Variants in ASNS observed in about 807,000 individuals in gnomAD.
ASNS encodes the protein asparagine synthetase [glutamine-hydrolyzing].
A neutral mutation model predicts 62.6 loss-of-function variants in ASNS; 37 were observed. The observed-to-expected ratio is 0.59, with a 90% CI of 0.45 to 0.78. The LOEUF (loss-of-function observed/expected upper bound fraction) is 0.78, where lower values mean the gene tolerates loss of function less well. Ranked by LOEUF, ASNS falls within the 30% of genes least tolerant of loss-of-function variation. The pLI is 0.00. For missense variants in ASNS, 520 were observed against 682.4 expected (o/e 0.76, Z 2.65); for synonymous variants, 207 against 237.9 (o/e 0.87, Z 1.19).
At chr7:97,902,979 G>A in the ASNS span, among the ~76,000 whole-genome samples, 1 of 152,092 alleles carries the variant, frequency 6.6e-6, no homozygotes, top group African/African-American at 2.4e-5. Context: ...GTCTACTTGG[G>A]GGGAGTTGTG....
chr7:97,883,368 G>A, the ASNS span, among the ~76,000 whole-genome samples: 1 of 152,024 alleles, frequency 6.6e-6, no homozygotes, highest in South Asian at 2.1e-4. Context: ...TAGGCTGGAG[G>A]GCCCACTTGG....
intron 1 of ASNS, chr7:97,870,143 C>A: frequency 3.1e-6 from 2 of 648,574 alleles, no homozygotes; most frequent in Non-Finnish European, 2.3e-6. Context: ...TGGCTGCTGC[C>A]AGCTCAAAAT....
the ASNS span, among the ~76,000 whole-genome samples, chr7:97,880,239 C>T: frequency 6.6e-6 from 1 of 151,844 alleles, no homozygotes; most frequent in African/African-American, 2.4e-5. Context: ...ATTCTCCAGC[C>T]TCAGCCTCCT....
the ASNS span, among the ~76,000 whole-genome samples, chr7:97,888,420 C>A: frequency 6.6e-6 from 1 of 151,798 alleles, no homozygotes. Context: ...AGACCAAGGG[C>A]CAAATCTGGC....
Position 97,852,445 on chromosome 7 carries a change from A to G in ASNS, c.1500T>C (p.Asn500=). 1 of 1,614,174 alleles carries G rather than the reference A, an allele frequency of 6.2e-7. No individual in the cohort carries two copies. The highest frequency in any genetic ancestry group is 8.5e-7 in the Non-Finnish European group (1 of 1,180,020). The change falls in exon 13 of 13, where the codon AAT becomes AAC. Residue 500 remains asparagine, a synonymous_variant. Transcript: ENST00000394308. ...EHQVDDAMMA[N]AAQKFPFNTP... ...TATTGAAGGGAAATTTCTGGGCTGC[A>G]TTTGCCATCATTGCATCATCAACCT...
the ASNS span, among the ~76,000 whole-genome samples, chr7:97,921,818 A>G: frequency 6.6e-6 from 1 of 152,186 alleles, no homozygotes; most frequent in Non-Finnish European, 1.5e-5. Flanking sequence ...TTCCTTGCAC[A>G]CATCCTGGGT....
At chr7:97,859,026 A>G in intron 5 of ASNS, 71 bp from the exon 6 acceptor site, 1 of 1,441,790 alleles carries the variant, frequency 6.9e-7, no homozygotes, top group Admixed American at 1.9e-5. Flanking sequence ...AATGAAATAC[A>G]CAATCATCAA....
the ASNS span, among the ~76,000 whole-genome samples, chr7:97,909,767 C>T: frequency 6.6e-6 from 1 of 152,202 alleles, no homozygotes; most frequent in Non-Finnish European, 1.5e-5. Flanking sequence ...TCTGCTGATC[C>T]ATAACCTGGC....
At chr7:97,907,454 G>A in the ASNS span, among the ~76,000 whole-genome samples, 1 of 152,140 alleles carries the variant, frequency 6.6e-6, no homozygotes, top group African/African-American at 2.4e-5. Context: ...AAGAGGCCAG[G>A]GAAAGGGGGT....
chr7:97,912,969 T>C, the ASNS span: 1 of 152,048 alleles, frequency 6.6e-6, no homozygotes, highest in African/African-American at 2.4e-5. Context: ...AAGAACACTT[T>C]GCATTCAAAT....
the ASNS span, among the ~76,000 whole-genome samples, chr7:97,878,017 C>A: frequency 2.0e-5 from 3 of 152,194 alleles, no homozygotes; most frequent in Admixed American, 6.5e-5. Flanking sequence ...GAGATGATCA[C>A]GGATGAGAGC....
chr7:97,908,361 TGTACAAGACCACA>T, the ASNS span: 26 of 152,246 alleles, frequency 1.7e-4, no homozygotes, highest in Non-Finnish European at 2.8e-4. Context: ...GGCAACAAAA[TGTACAAGACCACA>T]ATGGATGTCA....
At chr7:97,876,647 CG>C (rs1792444455), upstream of ASNS, among the ~76,000 whole-genome samples, 1 of 151,918 alleles carries the variant, frequency 6.6e-6, no homozygotes, top group South Asian at 2.1e-4. Context: ...AGGATGCTCT[CG>C]ATCTCTTGAC....
At position 97,859,457 on chromosome 7, in the gene ASNS, C is replaced by T. The variant is rs1040256519; in HGVS notation, c.488-59G>A. 1.1e-5 allele frequency: 17 copies of T among 1,493,000 alleles called. No individual in the cohort carries two copies. The African/African-American group carries it at 2.2e-4, about 20-fold the overall frequency. The allele number at this position is 1,493,000 out of a possible 1,614,324, so 92.5% of individuals were successfully genotyped here. On this transcript the variant is annotated intron_variant, in intron 4 of 12. Coordinates refer to ENST00000394308, the MANE Select transcript of ASNS (RefSeq NM_001673.5). ...AGGTAACCCTTCCCAATAACTTTCA[C>T]GATTAGTTAACATCATCTACATTCC...
intron 10 of ASNS, among the ~76,000 whole-genome samples, chr7:97,853,902 G>C (rs1791305818): frequency 6.6e-6 from 1 of 152,126 alleles, no homozygotes; most frequent in Non-Finnish European, 1.5e-5. Context: ...CTCTAGTTAG[G>C]ACAAGCAGAG....
the ASNS span, among the ~76,000 whole-genome samples, chr7:97,896,000 A>C: frequency 6.0e-5 from 9 of 150,416 alleles, no homozygotes; most frequent in South Asian, 4.2e-4. Flanking sequence ...AAAAAAAAAA[A>C]ACAAAAAACC....
At chr7:97,927,022 C>T in the ASNS span, among the ~76,000 whole-genome samples, 1 of 150,884 alleles carries the variant, frequency 6.6e-6, no homozygotes, top group Admixed American at 6.6e-5. Flanking sequence ...ATCCTCCCAC[C>T]TCAGCCTCCC....
the ASNS span, among the ~76,000 whole-genome samples, chr7:97,893,904 C>A: frequency 6.6e-6 from 1 of 152,202 alleles, no homozygotes; most frequent in Non-Finnish European, 1.5e-5. Flanking sequence ...AATATTTCAT[C>A]CAGCAGCAGC....
At chr7:97,859,509 T>C (rs1387029459) in intron 4 of ASNS, 111 bp from the exon 5 acceptor site, 3 of 1,180,996 alleles carry the variant, frequency 2.5e-6, no homozygotes, top group Non-Finnish European at 3.4e-6. Flanking sequence ...TACAAACACA[T>C]ACCCATTAAA....
Sources: allele counts gnomAD v4.1 joint callset (sites outside exome capture counted in the v4.1 genomes callset), GRCh38; gene constraint gnomAD v4.1.1; transcripts MANE v1.5; gene names NCBI Gene and HGNC (gene_info 2026-07-23, HGNC 2026-07-21).